The following STAM variants were observed in gnomAD, a reference collection of about 807,000 sequenced individuals.
STAM encodes signal transducing adapter molecule 1.
Under a neutral mutation model 63.4 loss-of-function variants are expected in STAM, and 16 were observed. The ratio of observed to expected loss-of-function variants is 0.25; its 90% CI spans 0.17 to 0.38. The LOEUF (loss-of-function observed/expected upper bound fraction) is 0.38, where lower values mean the gene tolerates loss of function less well. STAM is among the 10% of genes least tolerant of loss of function. STAM has a pLI of 1.00. For missense variants in STAM, 636 were observed against 657.1 expected, an observed-to-expected ratio of 0.97 and a Z score of 0.35; for synonymous variants, 238 against 223.9, an observed-to-expected ratio of 1.06 and a Z score of -0.56.
At chr10:17,663,445 GTC>G (rs1415509946) in intron 2 of STAM, among the ~76,000 whole-genome samples, 2 of 151,940 alleles carry the variant, frequency 1.3e-5, no homozygotes, top group Non-Finnish European at 2.9e-5. Context: ...ATTATACTAA[GTC>G]TATGAGTTTA....
At chr10:17,688,726 G>C (rs1376316577) in intron 5 of STAM, among the ~76,000 whole-genome samples, 2 of 152,040 alleles carry the variant, frequency 1.3e-5, no homozygotes, top group East Asian at 3.9e-4. Flanking sequence ...GCCTCCCAAA[G>C]TGCTAGGATT....
chr10:17,671,491 A>G (rs1834639637), intron 2 of STAM, among the ~76,000 whole-genome samples: 1 of 152,146 alleles, frequency 6.6e-6, no homozygotes, highest in African/African-American at 2.4e-5. Context: ...TCGTTTTTCT[A>G]CTGTATCACA....
At chr10:17,684,967 T>G (rs782362097) in intron 4 of STAM, 40 bp downstream of exon 4, 2 of 1,499,270 alleles carry the variant, frequency 1.3e-6, no homozygotes, top group African/African-American at 1.4e-5. Flanking sequence ...AAGGCAGTCT[T>G]CTTTCTTCAC....
rs149031808 is a variant in STAM at position 17,700,198 on chromosome 10, A to G, written c.831A>G (p.Thr277=). 23 of 1,604,202 alleles carry G rather than the reference A, an allele frequency of 1.4e-5. No individual in the cohort carries two copies. In the African/African-American group the frequency reaches 3.1e-4, roughly 22 times the overall value. The change falls in exon 9 of 14, where the codon ACA becomes ACG. Residue 277 remains threonine (T), a synonymous_variant. Transcript: ENST00000377524. ...DLTAEPEMIK[T]EKKTVQFSDD... Reference sequence around the variant, plus strand: ...CTTTTACATATCTTACAGTTAAAACAGAGAAGAAGACGGTACAATTTAGTG... The same window carrying G: ...CTTTTACATATCTTACAGTTAAAACGGAGAAGAAGACGGTACAATTTAGTG...
rs546726828 is a variant in STAM, at chr10:17,658,802, T to C, written c.41-1662T>C. Among the ~76,000 whole-genome samples the C allele has an allele frequency of 6.6e-4, 100 of 152,306 alleles. 2 individuals carry two copies. Among genetic ancestry groups the C allele is most frequent in the Non-Finnish European group, 1.9e-4 (13 of 68,008 alleles). ...GTGCCTGGCCTCATCCTTTAACTTT[T>C]AATCTCTATGTGTTTTTATGTCTAA... On this transcript the variant is annotated intron_variant, in intron 1 of 13. Transcript: ENST00000377524.
At chr10:17,656,317 T>C (rs1182439439) in intron 1 of STAM, among the ~76,000 whole-genome samples, 3 of 145,584 alleles carry the variant, frequency 2.1e-5, no homozygotes, top group Non-Finnish European at 4.5e-5. Context: ...AAAAAAAAGA[T>C]AGTTTCAGAT....
chr10:17,672,532 AC>A (rs1319624671), intron 2 of STAM, among the ~76,000 whole-genome samples: 1 of 152,070 alleles, frequency 6.6e-6, no homozygotes, highest in Non-Finnish European at 1.5e-5. Context: ...TACAATTCCC[AC>A]TTTTCTCATA....
At chr10:17,691,370 T>C (rs1254525401) in intron 5 of STAM, among the ~76,000 whole-genome samples, 1 of 152,048 alleles carries the variant, frequency 6.6e-6, no homozygotes, top group African/African-American at 2.4e-5. Flanking sequence ...TACAAAAAAT[T>C]AGCCAGGCGT....
At chr10:17,644,731 T>G (rs993529902) in intron 1 of STAM, among the ~76,000 whole-genome samples, 16 of 152,216 alleles carry the variant, frequency 1.1e-4, no homozygotes, top group African/African-American at 3.4e-4. Flanking sequence ...TTGGCTAGAT[T>G]AGGATTGTAA....
chr10:17,701,601 A>G (rs972358211), intron 9 of STAM, among the ~76,000 whole-genome samples: 1 of 152,220 alleles, frequency 6.6e-6, no homozygotes, highest in Non-Finnish European at 1.5e-5. Context: ...TTACAGAAAA[A>G]GTTTGCTTGG....
At chr10:17,687,911 C>A in intron 4 of STAM, 116 bp from the exon 5 acceptor site, 2 of 783,270 alleles carry the variant, frequency 2.6e-6, no homozygotes, top group Non-Finnish European at 1.9e-6. Context: ...TTGTCTATAG[C>A]TATGCATAAC....
At chr10:17,669,394 T>G (rs1346676455) in intron 2 of STAM, among the ~76,000 whole-genome samples, 2 of 151,590 alleles carry the variant, frequency 1.3e-5, no homozygotes, top group East Asian at 3.9e-4. Context: ...TTAGATATTC[T>G]TTCCCCTTCC....
At chr10:17,668,190 C>T (rs1457286973) in intron 2 of STAM, among the ~76,000 whole-genome samples, 1 of 152,112 alleles carries the variant, frequency 6.6e-6, no homozygotes, top group Admixed American at 6.5e-5. Context: ...AAATAATTGA[C>T]AGGTGAAGGG....
intron 2 of STAM, among the ~76,000 whole-genome samples, chr10:17,672,648 TA>T (rs1834687990): frequency 6.6e-6 from 1 of 152,198 alleles, no homozygotes; most frequent in African/African-American, 2.4e-5. Flanking sequence ...TTGCTCAAAG[TA>T]ACAGTTTTGC....
At chr10:17,696,747 G>T in intron 7 of STAM, 28 bp from the exon 8 acceptor site, 1 of 1,463,848 alleles carries the variant, frequency 6.8e-7, no homozygotes, top group Non-Finnish European at 9.6e-7. Context: ...ATTTGTTATG[G>T]TAAAGCATTG....
At chr10:17,648,399 A>T (rs1833601862) in intron 1 of STAM, among the ~76,000 whole-genome samples, 1 of 152,196 alleles carries the variant, frequency 6.6e-6, no homozygotes, top group Admixed American at 6.5e-5. Flanking sequence ...GCGGGGACAA[A>T]TAAGAGAATA....
chr10:17,684,803 C>A (rs1157822845), intron 3 of STAM, 29 bp from the exon 4 acceptor site: 1 of 1,613,012 alleles, frequency 6.2e-7, no homozygotes, highest in Non-Finnish European at 8.5e-7. Flanking sequence ...ACAATTGAGC[C>A]CCTTTAACTT....
In STAM at chr10:17,716,806, A is replaced by T. The variant is rs1241018496; in HGVS notation, c.*2026A>T. Among the ~76,000 whole-genome samples the T allele has an allele frequency of 6.6e-6, 1 of 152,222 alleles. No homozygotes were observed. Among genetic ancestry groups the T allele is most frequent in the African/African-American group, 2.4e-5 (1 of 41,458 alleles). On this transcript the variant is annotated 3_prime_UTR_variant, in exon 14 of 14. Coordinates refer to ENST00000377524, the MANE Select transcript of STAM (RefSeq NM_003473.4). ...ACATTACTAGCCTTATAAAGGTTTA[A>T]ATGATGAGTACTTTAAAACTGTTAC... is the stretch of plus-strand genomic sequence containing the variant.
intron 11 of STAM, 48 bp from the exon 12 acceptor site, chr10:17,705,540 T>G: frequency 1.3e-6 from 2 of 1,576,076 alleles, no homozygotes; most frequent in Non-Finnish European, 1.7e-6. Context: ...TAGAGCATTA[T>G]ATCATTTTAG....
Sources: gnomAD v4.1 joint callset for allele counts (sites outside exome capture counted in the v4.1 genomes callset) on GRCh38, gnomAD v4.1.1 for gene constraint, MANE v1.5 for transcripts, NCBI Gene and HGNC (gene_info 2026-07-23, HGNC 2026-07-21) for gene names.